CNTNAP2: variants seen among roughly 807,000 people sequenced by gnomAD.
CNTNAP2 encodes contactin associated protein 2.
In CNTNAP2, 98 loss-of-function variants were observed where a neutral mutation model predicts 155.2. That is an observed-to-expected ratio of 0.63 (90% CI 0.54 to 0.75). CNTNAP2 has a LOEUF of 0.75. CNTNAP2 is among the 30% of genes least tolerant of loss of function. CNTNAP2 has a pLI of 0.00. For missense variants in CNTNAP2, 1,727 were observed against 1,688.1 expected, an observed-to-expected ratio of 1.02 and a Z score of -0.40; for synonymous variants, 651 against 631.2, an observed-to-expected ratio of 1.03 and a Z score of -0.47.
At chr7:147,659,958 A>T (rs1795586142) in intron 13 of CNTNAP2, among the ~76,000 whole-genome samples, 1 of 152,172 alleles carries the variant, frequency 6.6e-6, no homozygotes, top group Admixed American at 6.5e-5. Context: ...CTATCCTCTG[A>T]TTCATTAGTT....
rs575009998 is a variant in CNTNAP2 at position 146,686,738 on chromosome 7, A to G, written c.98-87533A>G. On this transcript the variant is annotated intron_variant, in intron 1 of 23. Coordinates refer to ENST00000361727, the MANE Select transcript of CNTNAP2 (RefSeq NM_014141.6). The stretch of plus-strand genomic sequence containing the variant: ...TAGAAAGACTGTCTAGTCATAAGAA[A>G]CATTACTTGACTTACTTAATTCTCT... Among the ~76,000 whole-genome samples, 8 of 152,352 alleles carry G rather than the reference A, an allele frequency of 5.3e-5. No homozygotes were observed. The South Asian group carries it at 1.4e-3, about 28-fold the overall frequency.
chr7:147,099,479 A>C (rs1326161829), intron 4 of CNTNAP2, among the ~76,000 whole-genome samples: 3 of 151,906 alleles, frequency 2.0e-5, no homozygotes, highest in Admixed American at 2.0e-4. Context: ...CCCTGCTCCC[A>C]CCCTCCACAG....
intron 22 of CNTNAP2, among the ~76,000 whole-genome samples, chr7:148,400,471 C>T (rs1799558158): frequency 6.6e-6 from 1 of 152,164 alleles, no homozygotes; most frequent in South Asian, 2.1e-4. Flanking sequence ...CAACGAAGAG[C>T]CGTACGGCAC....
chr7:147,468,527 A>G (rs1798158758), intron 10 of CNTNAP2, among the ~76,000 whole-genome samples: 1 of 152,194 alleles, frequency 6.6e-6, no homozygotes, highest in African/African-American at 2.4e-5. Flanking sequence ...CTTCATCTAT[A>G]AATGAAATAG....
chr7:148,135,992 G>A (rs1327190026), intron 16 of CNTNAP2, among the ~76,000 whole-genome samples: 8 of 30,342 alleles, frequency 2.6e-4, no homozygotes, highest in African/African-American at 9.7e-4. Context: ...AGGAAGGAAG[G>A]AAGGAAGGAA....
chr7:148,385,990 A>AAGTGCTAGGATTACAG (rs1799185881), intron 22 of CNTNAP2, among the ~76,000 whole-genome samples: 1 of 152,054 alleles, frequency 6.6e-6, no homozygotes, highest in African/African-American at 2.4e-5. Flanking sequence ...AGGCCTCCCA[A>AAGTGCTAGGATTACAG]AGTGCTAGGA....
chr7:148,341,002 G>T (rs1179280621), intron 21 of CNTNAP2, among the ~76,000 whole-genome samples: 1 of 152,214 alleles, frequency 6.6e-6, no homozygotes, highest in Non-Finnish European at 1.5e-5. Context: ...TTCTGAACGG[G>T]TCTGCAAGGC....
chr7:146,645,973 T>G lies in CNTNAP2; in HGVS notation c.98-128298T>G, dbSNP rs561619312. Among the ~76,000 whole-genome samples the G allele has an allele frequency of 3.3e-5, 5 of 152,326 alleles. No individual in the cohort carries two copies. In the South Asian group the frequency reaches 6.2e-4, roughly 19 times the overall value. On this transcript the variant is annotated intron_variant, in intron 1 of 23. Coordinates refer to ENST00000361727, the MANE Select transcript of CNTNAP2 (RefSeq NM_014141.6). ...TAAAGATACTGTCTGAAATTTCATA[T>G]TAAGCTATGGGAAAAGTCACATATG...
At chr7:146,201,922 G>C (rs1466249837) in intron 1 of CNTNAP2, among the ~76,000 whole-genome samples, 7 of 152,006 alleles carry the variant, frequency 4.6e-5, no homozygotes, top group Non-Finnish European at 7.4e-5. Flanking sequence ...AGTAAGGTTA[G>C]TGATACAGCA....
At chr7:147,997,594 T>A (rs1190442598) in intron 15 of CNTNAP2, among the ~76,000 whole-genome samples, 1 of 149,558 alleles carries the variant, frequency 6.7e-6, no homozygotes. Flanking sequence ...AGACGCACAG[T>A]GAAGCGGGTG....
intron 6 of CNTNAP2, among the ~76,000 whole-genome samples, chr7:147,126,171 C>A (rs567393906): frequency 6.6e-6 from 1 of 152,140 alleles, no homozygotes; most frequent in African/African-American, 2.4e-5. Flanking sequence ...GCAATGTGCC[C>A]AGCTGAAAAG....
intron 16 of CNTNAP2, among the ~76,000 whole-genome samples, chr7:148,126,820 G>C (rs1444612761): frequency 6.6e-6 from 1 of 152,142 alleles, no homozygotes; most frequent in African/African-American, 2.4e-5. Flanking sequence ...AAGAAGTACG[G>C]AGAAGGGAAG....
intron 5 of CNTNAP2, among the ~76,000 whole-genome samples, chr7:147,110,775 T>C (rs907892577): frequency 2.0e-5 from 3 of 152,220 alleles, no homozygotes; most frequent in Non-Finnish European, 4.4e-5. Flanking sequence ...CAGTCTATCA[T>C]TGATGGGCAT....
chr7:147,735,574 C>T (rs1404594059), intron 13 of CNTNAP2, among the ~76,000 whole-genome samples: 1 of 147,242 alleles, frequency 6.8e-6, no homozygotes, highest in Non-Finnish European at 1.5e-5. Flanking sequence ...TCCTGGATAT[C>T]CTTGATAACT....
chr7:147,120,347 T>C (rs1801077889), intron 5 of CNTNAP2, among the ~76,000 whole-genome samples: 1 of 152,138 alleles, frequency 6.6e-6, no homozygotes, highest in African/African-American at 2.4e-5. Context: ...CTATTGTATA[T>C]ATGAGAAAAT....
chr7:147,044,178 A>G, intron 4 of CNTNAP2, 124 bp downstream of exon 4: 1 of 1,046,398 alleles, frequency 9.6e-7, no homozygotes, highest in Non-Finnish European at 1.4e-6. Flanking sequence ...TCATTTACAT[A>G]TATATGTATC....
At chr7:146,720,938 T>TCTCTATATA (rs1491381567) in intron 1 of CNTNAP2, among the ~76,000 whole-genome samples, 3,122 of 136,072 alleles carry the variant, frequency 0.023, 63 homozygotes, top group East Asian at 0.099. Context: ...ATATATATAC[T>TCTCTATATA]TTCTCTATAT....
chr7:146,300,442 A>G (rs568907248), intron 1 of CNTNAP2, among the ~76,000 whole-genome samples: 8 of 152,274 alleles, frequency 5.3e-5, no homozygotes, highest in Non-Finnish European at 8.8e-5. Flanking sequence ...AAGAGAGAAC[A>G]TTAAACTAAG....
intron 2 of CNTNAP2, among the ~76,000 whole-genome samples, chr7:146,813,274 T>A (rs1803101515): frequency 6.6e-6 from 1 of 152,124 alleles, no homozygotes. Context: ...AGTCACTCAA[T>A]GCCAGCCTAT....
Sources: gnomAD v4.1 joint callset for allele counts (sites outside exome capture counted in the v4.1 genomes callset) on GRCh38, gnomAD v4.1.1 for gene constraint, MANE v1.5 for transcripts, NCBI Gene and HGNC (gene_info 2026-07-23, HGNC 2026-07-21) for gene names.